Variants in CBLB observed in about 807,000 individuals in gnomAD.
CBLB encodes Cbl proto-oncogene B.
In CBLB, 31 loss-of-function variants were observed where a neutral mutation model predicts 104.9. The ratio of observed to expected loss-of-function variants is 0.30; its 90% CI spans 0.22 to 0.40. The LOEUF is 0.40. Ranked by LOEUF, CBLB falls within the 10% of genes least tolerant of loss-of-function variation. The pLI is 1.00. For missense variants in CBLB, 1,062 were observed against 1,214.6 expected (o/e 0.87, Z 1.87); for synonymous variants, 440 against 422.6 (o/e 1.04, Z -0.51).
intron 18 of CBLB, among the ~76,000 whole-genome samples, chr3:105,661,285 G>A (rs1486744261): frequency 2.0e-5 from 3 of 151,938 alleles, no homozygotes; most frequent in Non-Finnish European, 2.9e-5. Flanking sequence ...AACTATTATC[G>A]TCTGATAAAC....
At chr3:105,836,176 A>G (rs544252477) in intron 3 of CBLB, among the ~76,000 whole-genome samples, 8 of 152,348 alleles carry the variant, frequency 5.3e-5, no homozygotes, top group African/African-American at 1.7e-4. Context: ...CTTAAGAAAT[A>G]GTAAAAAGGT....
chr3:105,820,569 T>C (rs2085697812), intron 3 of CBLB, among the ~76,000 whole-genome samples: 1 of 152,218 alleles, frequency 6.6e-6, no homozygotes, highest in Admixed American at 6.5e-5. Context: ...TCCTTCTTTG[T>C]TCCTATAGTG....
intron 4 of CBLB, among the ~76,000 whole-genome samples, chr3:105,773,003 G>C (rs570341355): frequency 6.6e-6 from 1 of 152,264 alleles, no homozygotes; most frequent in East Asian, 1.9e-4. Flanking sequence ...ACTAAAAGTA[G>C]AACTGCCATT....
At chr3:105,730,638 C>T (rs1160103660) in intron 9 of CBLB, among the ~76,000 whole-genome samples, 1 of 151,978 alleles carries the variant, frequency 6.6e-6, no homozygotes, top group Non-Finnish European at 1.5e-5. Flanking sequence ...CTTACAGAAA[C>T]ATATACAAAA....
rs2063297281 is a variant in CBLB, at chr3:105,655,737, T to C, written c.*3233A>G. On this transcript the variant is annotated 3_prime_UTR_variant, in exon 19 of 19. Coordinates refer to ENST00000394030, the MANE Select transcript of CBLB (RefSeq NM_170662.5). ...AGGTAGTACCTGAATTATTCAAGTA[T>C]ACTGTAATTTGCTTCCAAATCTGTT... The C allele has an allele frequency of 9.8e-6, 2 of 204,476 alleles. No homozygotes were observed. Among genetic ancestry groups the C allele is most frequent in the Non-Finnish European group, 2.0e-5 (2 of 99,810 alleles). 12.7% of individuals were successfully genotyped at this position (204,476 alleles called of 1,614,324 possible). A position where few individuals can be genotyped will look rare whatever the true frequency, so the allele number is the denominator to read the frequency against.
intron 4 of CBLB, among the ~76,000 whole-genome samples, chr3:105,763,014 C>T (rs569564207): frequency 5.9e-5 from 9 of 152,300 alleles, no homozygotes; most frequent in Non-Finnish European, 7.3e-5. Context: ...ACGTGAGACA[C>T]GGAGTCAAAG....
intron 3 of CBLB, among the ~76,000 whole-genome samples, chr3:105,784,248 A>G (rs78692937): frequency 0.014 from 2,106 of 152,328 alleles, 23 homozygotes; most frequent in Non-Finnish European, 0.02. Context: ...GACAAAAAAG[A>G]AAAAATAATC....
Position 105,670,321 on chromosome 3 carries a change from A to G in CBLB, c.2601T>C (p.Val867=). Residue 867 remains valine, a synonymous_variant, in exon 18 of 19, where the codon GTT becomes GTC. Transcript: ENST00000394030. ...GTAACCTTCTAGCAGGAGGCAAAGG[A>G]ACTTGGCCACTTGCTAGATCAACAA... ...DPFVDLASGQ[V]PLPPARRLPG... The G allele has an allele frequency of 6.2e-7, 1 of 1,609,732 alleles. No individual in the cohort carries two copies. Among genetic ancestry groups the G allele is most frequent in the Non-Finnish European group, 8.5e-7 (1 of 1,176,204 alleles).
chr3:105,697,520 A>G (rs1233337599), intron 12 of CBLB, among the ~76,000 whole-genome samples: 2 of 152,000 alleles, frequency 1.3e-5, no homozygotes, highest in African/African-American at 4.8e-5. Context: ...GCTACCTCAA[A>G]AGTATCCCTA....
rs757035647 is a variant in CBLB, at chr3:105,853,583, G to A, written c.250C>T (p.His84Tyr). 2 of 1,611,264 alleles carry A rather than the reference G, an allele frequency of 1.2e-6. No homozygotes were observed. The highest frequency in any genetic ancestry group is 2.2e-5 in the South Asian group (2 of 91,030). ...TATTTACTCAATATAAGTCGTAAATGCTGATATGTATCAGGCAAAATATCA... is the reference window on the plus strand; with the variant it reads ...TATTTACTCAATATAAGTCGTAAATACTGATATGTATCAGGCAAAATATCA... Reference protein sequence around the residue: ...ILDILPDTYQHLRLILSKYDD... With the variant: ...ILDILPDTYQYLRLILSKYDD... The change falls in exon 3 of 19, where the codon CAT (histidine) becomes TAT (tyrosine). Residue 84 changes from histidine to tyrosine, a missense_variant. Physicochemically the swap from His to Tyr is moderately conservative, Grantham distance 83. This residue lies in a region of CBLB where 457 missense variants were observed against 632.0 expected (regional missense o/e 0.72). Transcript: ENST00000394030.
At chr3:105,694,663 C>T (rs1459908358) in intron 12 of CBLB, among the ~76,000 whole-genome samples, 3 of 151,782 alleles carry the variant, frequency 2.0e-5, no homozygotes, top group East Asian at 1.9e-4. Flanking sequence ...GTTTAAAGAA[C>T]ATATTTGAAA....
Position 105,693,594 on chromosome 3 carries a change from A to T in CBLB, c.1960-6T>A, listed in dbSNP as rs2067990305. ...AGGTGACCATTGGAAAAGACCTGAA[A>T]GTAAATCAAATTGTTAGTTTCCAAG... is the stretch of plus-strand genomic sequence containing the variant. On this transcript the variant is annotated splice_polypyrimidine_tract_variant and splice_region_variant and intron_variant, in intron 12 of 18. Coordinates refer to ENST00000394030, the MANE Select transcript of CBLB (RefSeq NM_170662.5). 6.3e-7 allele frequency: 1 copy of T among 1,597,818 alleles called. No individual in the cohort carries two copies. The highest frequency in any genetic ancestry group is 8.6e-7 in the Non-Finnish European group (1 of 1,165,912).
chr3:105,726,919 A>G (rs1355359125), intron 9 of CBLB, among the ~76,000 whole-genome samples: 2 of 152,184 alleles, frequency 1.3e-5, no homozygotes, highest in East Asian at 1.9e-4. Flanking sequence ...TCCATGGTGT[A>G]TATGTGCCAC....
chr3:105,864,567 G>C (rs2092315022), intron 2 of CBLB, among the ~76,000 whole-genome samples: 1 of 152,072 alleles, frequency 6.6e-6, no homozygotes, highest in African/African-American at 2.4e-5. Flanking sequence ...GGATGTTTTG[G>C]GATATGCTAC....
chr3:105,796,335 C>G (rs941306723), intron 3 of CBLB, among the ~76,000 whole-genome samples: 4 of 152,098 alleles, frequency 2.6e-5, no homozygotes, highest in African/African-American at 9.7e-5. Flanking sequence ...CAAAAACAAG[C>G]AATGGAGAAA....
At chr3:105,698,812 C>CTTTTA (rs1231108683) in intron 12 of CBLB, among the ~76,000 whole-genome samples, 1 of 151,926 alleles carries the variant, frequency 6.6e-6, no homozygotes, top group African/African-American at 2.4e-5. Flanking sequence ...TTTAAAAAAT[C>CTTTTA]AAAATATCTC....
chr3:105,868,165 A>G (rs981733404), intron 1 of CBLB: 1 of 1,214,910 alleles, frequency 8.2e-7, no homozygotes, highest in Non-Finnish European at 1.0e-6. Context: ...GGACACACGA[A>G]CACCTTTCTT....
At chr3:105,751,414 A>AGG in intron 5 of CBLB, 48 bp downstream of exon 5, 1 of 1,326,276 alleles carries the variant, frequency 7.5e-7, no homozygotes, top group African/African-American at 1.4e-5. Context: ...GAGAAAAGAC[A>AGG]GGGAGAGAGA....
chr3:105,758,673 G>C (rs2077302258), intron 4 of CBLB, among the ~76,000 whole-genome samples: 1 of 152,270 alleles, frequency 6.6e-6, no homozygotes, highest in Admixed American at 6.5e-5. Flanking sequence ...GCACAGCCAA[G>C]CACACTGGCT....
Sources: gnomAD v4.1 joint callset for allele counts (sites outside exome capture counted in the v4.1 genomes callset) on GRCh38, gnomAD v4.1.1 for gene constraint, gnomAD v4.1.1 regional missense constraint, MANE v1.5 for transcripts, NCBI Gene and HGNC (gene_info 2026-07-23, HGNC 2026-07-21) for gene names.